Variants in LTBP2 observed in about 807,000 individuals in gnomAD.
LTBP2 encodes the protein latent transforming growth factor beta binding protein 2, also known as latent-transforming growth factor beta-binding protein 2.
Under a neutral mutation model 210.6 loss-of-function variants are expected in LTBP2, and 103 were observed. The ratio of observed to expected loss-of-function variants is 0.49; its 90% CI spans 0.42 to 0.58. The LOEUF (loss-of-function observed/expected upper bound fraction) is 0.58, where lower values mean the gene tolerates loss of function less well. Among genes scored for constraint, LTBP2 ranks in the 20% least tolerant of loss-of-function variants. The probability of loss-of-function intolerance (pLI) is 0.00; values close to 1 mark genes in which losing one functional copy is unlikely to be tolerated. For synonymous variants in LTBP2, 1,007 were observed against 1,015.0 expected (o/e 0.99, Z 0.15); for missense variants, 2,313 against 2,494.5 (o/e 0.93, Z 1.55).
intron 3 of LTBP2, 73 bp from the exon 4 acceptor site, chr14:74,555,766 C>A (rs2087721026): frequency 1.7e-6 from 2 of 1,167,246 alleles, no homozygotes; most frequent in South Asian, 3.9e-5. Flanking sequence ...CATCCAGCCA[C>A]CCACTCTCTG....
At chr14:74,575,361 C>T (rs919650892) in intron 3 of LTBP2, among the ~76,000 whole-genome samples, 6 of 152,232 alleles carry the variant, frequency 3.9e-5, no homozygotes, top group Admixed American at 1.3e-4. Flanking sequence ...CTGGAAAGGA[C>T]GGCCTTGAAG....
chr14:74,508,177 A>G, intron 24 of LTBP2, 82 bp from the exon 25 acceptor site: 1 of 1,531,580 alleles, frequency 6.5e-7, no homozygotes, highest in South Asian at 1.2e-5. Flanking sequence ...CTGGGCCCTG[A>G]GTAGCCCATA....
chr14:74,501,597 G>A lies in LTBP2; in HGVS notation c.5171-7C>T. ...TCGAAGCCGGCTGGGGGCTCTGGGA[G>A]GAGGAAATCGGAGAGAGGAGGAGGC... is the stretch of plus-strand genomic sequence containing the variant. On this transcript the variant is annotated splice_region_variant and splice_polypyrimidine_tract_variant and intron_variant, in intron 34 of 35. Transcript: ENST00000261978. 6.2e-7 allele frequency: 1 copy of A among 1,613,988 alleles called. No homozygotes were observed. Among genetic ancestry groups the A allele is most frequent in the African/African-American group, 1.3e-5 (1 of 75,054 alleles).
chr14:74,581,518 A>C (rs1365600086), intron 3 of LTBP2, among the ~76,000 whole-genome samples: 1 of 152,194 alleles, frequency 6.6e-6, no homozygotes, highest in African/African-American at 2.4e-5. Context: ...CTGGCCTTGA[A>C]GATGGAGGAA....
chr14:74,553,084 C>A, intron 4 of LTBP2, 22 bp from the exon 5 acceptor site: 1 of 1,613,334 alleles, frequency 6.2e-7, no homozygotes, highest in Admixed American at 1.7e-5. Context: ...GGGCTTGGGT[C>A]CAGGGGGCAG....
intron 8 of LTBP2, among the ~76,000 whole-genome samples, chr14:74,543,466 G>A (rs967281865): frequency 1.1e-4 from 16 of 146,998 alleles, no homozygotes; most frequent in African/African-American, 4.1e-4. Flanking sequence ...ATAAATGTCA[G>A]ACTGAACCTC....
intron 8 of LTBP2, among the ~76,000 whole-genome samples, chr14:74,543,996 C>A (rs906446263): frequency 6.6e-6 from 1 of 152,346 alleles, no homozygotes; most frequent in South Asian, 2.1e-4. Context: ...GCTCTCCGGG[C>A]TAGAGGTGCC....
intron 2 of LTBP2, among the ~76,000 whole-genome samples, chr14:74,587,233 ATCTG>A (rs2088219500): frequency 6.6e-6 from 1 of 152,138 alleles, no homozygotes; most frequent in African/African-American, 2.4e-5. Flanking sequence ...TGCCTCATCC[ATCTG>A]TCGCTCATTC....
intron 8 of LTBP2, among the ~76,000 whole-genome samples, chr14:74,540,344 G>T (rs1345269029): frequency 2.0e-5 from 3 of 151,926 alleles, no homozygotes; most frequent in Admixed American, 2.0e-4. Flanking sequence ...GTGGTGGCAT[G>T]AGCCTGTGGT....
chr14:74,603,593 G>A (rs368217606), intron 2 of LTBP2, 42 bp downstream of exon 2: 37 of 1,604,822 alleles, frequency 2.3e-5, no homozygotes, highest in African/African-American at 1.1e-4. Flanking sequence ...GGCACTTCAC[G>A]TTTGATAGAG....
intron 17 of LTBP2, among the ~76,000 whole-genome samples, chr14:74,521,300 T>C (rs1003538509): frequency 1.3e-5 from 2 of 152,238 alleles, no homozygotes; most frequent in Admixed American, 6.5e-5. Context: ...TAGAAAGTGC[T>C]GCATTATATT....
chr14:74,564,087 TTATATATATATTTATATATATATTTA>T (rs2087838821), intron 3 of LTBP2, among the ~76,000 whole-genome samples: 15 of 14,348 alleles, frequency 1.0e-3, no homozygotes, highest in African/African-American at 1.6e-3. Flanking sequence ...ATATATATAT[TTATATATATATTTATATATATATTTA>T]TATATATATA....
At chr14:74,562,704 A>C (rs2139760627) in intron 3 of LTBP2, among the ~76,000 whole-genome samples, 1 of 152,340 alleles carries the variant, frequency 6.6e-6, no homozygotes, top group African/African-American at 2.4e-5. Flanking sequence ...AATGAAAACT[A>C]TGCTGAGGTA....
intron 3 of LTBP2, among the ~76,000 whole-genome samples, chr14:74,578,621 C>T (rs1310872571): frequency 1.3e-5 from 2 of 152,182 alleles, no homozygotes; most frequent in African/African-American, 4.8e-5. Context: ...TCCCCCATAA[C>T]AGTGCCACAC....
intron 27 of LTBP2, 130 bp downstream of exon 27, chr14:74,506,568 C>G: frequency 6.9e-7 from 1 of 1,454,776 alleles, no homozygotes. Flanking sequence ...TCTCCCTCTT[C>G]TTTGAAGCCT....
At position 74,603,753 on chromosome 14, in the gene LTBP2, G is replaced by A. The variant is rs113001790; in HGVS notation, c.495-48C>T. 2.1e-4 allele frequency: 318 copies of A among 1,534,486 alleles called. 2 individuals carry two copies. The African/African-American group carries it at 3.6e-3, about 18-fold the overall frequency. On this transcript the variant is annotated intron_variant, in intron 1 of 35. Coordinates refer to ENST00000261978, the MANE Select transcript of LTBP2 (RefSeq NM_000428.3). ...TCAACACAAGGATGCTCAGAGCTGG[G>A]GACTATTCACAGCCCCTCCGACAGT...
At chr14:74,540,877 A>AATAT (rs1209278952) in intron 8 of LTBP2, among the ~76,000 whole-genome samples, 35 of 79,526 alleles carry the variant, frequency 4.4e-4, no homozygotes, top group African/African-American at 1.6e-3. Flanking sequence ...TTATATATAT[A>AATAT]ATATATATAT....
chr14:74,585,978 G>A lies in LTBP2; in HGVS notation c.706C>T (p.Pro236Ser). The A allele has an allele frequency of 6.2e-7, 1 of 1,612,912 alleles. No homozygotes were observed. Among genetic ancestry groups the A allele is most frequent in the Non-Finnish European group, 8.5e-7 (1 of 1,179,580 alleles). The change falls in exon 3 of 36, where the codon CCT becomes TCT. Residue 236 changes from proline to serine, a missense_variant. Pro to Ser is a moderately conservative substitution (Grantham distance 74, BLOSUM62 -1). Transcript: ENST00000261978. ...GGTGAACGCTCGGCCCAGCGTCGAG[G>A]TGCCAGCCTGGAGTTCTGGGGGTCA... ...EFDPQNSRLA[P>S]RRWAERSPNL...
intron 1 of LTBP2, among the ~76,000 whole-genome samples, chr14:74,609,955 C>T (rs2088581666): frequency 6.6e-6 from 1 of 152,228 alleles, no homozygotes; most frequent in Non-Finnish European, 1.5e-5. Flanking sequence ...GTGCTTTCCA[C>T]TAAGACTTGT....
Sources: gnomAD v4.1 joint callset for allele counts (sites outside exome capture counted in the v4.1 genomes callset) on GRCh38, gnomAD v4.1.1 for gene constraint, MANE v1.5 for transcripts, NCBI Gene and HGNC (gene_info 2026-07-23, HGNC 2026-07-21) for gene names.